The following DGKI variants were observed in gnomAD, a reference collection of about 807,000 sequenced individuals.
The protein encoded by DGKI is diacylglycerol kinase iota, also known as DAG kinase iota.
DGKI carries 55 observed loss-of-function variants against 147.5 expected under a neutral mutation model. That is an observed-to-expected ratio of 0.37 (90% CI 0.30 to 0.47). The LOEUF is 0.47. Among genes scored for constraint, DGKI ranks in the 20% least tolerant of loss-of-function variants. The pLI is 1.00. For synonymous variants in DGKI, 469 were observed against 477.1 expected (o/e 0.98, Z 0.22); for missense variants, 1,007 against 1,323.8 (o/e 0.76, Z 3.71).
chr7:137,602,609 A>AAC (rs1157137098), intron 10 of DGKI, among the ~76,000 whole-genome samples: 2 of 152,212 alleles, frequency 1.3e-5, no homozygotes, highest in Non-Finnish European at 2.9e-5. Flanking sequence ...ACAAAGATCT[A>AAC]ACTCACACAC....
chr7:137,703,044 A>T (rs6943970), intron 1 of DGKI, among the ~76,000 whole-genome samples: 14,121 of 152,184 alleles, frequency 0.093, 1,766 homozygotes, highest in African/African-American at 0.29. Flanking sequence ...GACTGTTCTC[A>T]CACTGCTATA....
rs371373962 is a variant in DGKI at position 137,816,772 on chromosome 7, G to A, written c.401+29690C>T. 7.2e-5 allele frequency among the ~76,000 whole-genome samples: 11 copies of A among 152,334 alleles called. No individual in the cohort carries two copies. In the East Asian group the frequency reaches 1.5e-3, roughly 21 times the overall value. On this transcript the variant is annotated intron_variant, in intron 1 of 32. Transcript: ENST00000614521. ...ATTTTTATATGACAATAGGGGGTGA[G>A]TAAGGAAGCTGCTAAAGAAGGAACT...
At chr7:137,559,231 C>T (rs1357190873) in intron 19 of DGKI, among the ~76,000 whole-genome samples, 1 of 150,392 alleles carries the variant, frequency 6.6e-6, no homozygotes, top group Non-Finnish European at 1.5e-5. Flanking sequence ...GCCACTACGC[C>T]CGGCTAATTT....
intron 1 of DGKI, among the ~76,000 whole-genome samples, chr7:137,760,147 T>A (rs995065620): frequency 6.6e-6 from 1 of 152,114 alleles, no homozygotes; most frequent in South Asian, 2.1e-4. Flanking sequence ...CACCTACTAA[T>A]CTTTCCTGCG....
chr7:137,391,891 A>G (rs1356257899), intron 32 of DGKI, among the ~76,000 whole-genome samples: 2 of 152,194 alleles, frequency 1.3e-5, no homozygotes, highest in Non-Finnish European at 2.9e-5. Flanking sequence ...CTAAAAACTA[A>G]GCTAGTTTCT....
chr7:137,441,338 G>A (rs1483272477), intron 28 of DGKI, among the ~76,000 whole-genome samples: 1 of 148,834 alleles, frequency 6.7e-6, no homozygotes, highest in Non-Finnish European at 1.5e-5. Context: ...GGAGAATGGT[G>A]TGAACCCGGG....
At position 137,770,475 on chromosome 7, in the gene DGKI, A is replaced by C. The variant is rs191224307; in HGVS notation, c.401+75987T>G. 1.5e-4 allele frequency among the ~76,000 whole-genome samples: 23 copies of C among 152,306 alleles called. No homozygotes were observed. The East Asian group carries it at 4.2e-3, about 28-fold the overall frequency. ...TCTACACACATATCCCAAAACTTAT[A>C]AGTAAAACAGAAAAAAAAAGAATTA... On this transcript the variant is annotated intron_variant, in intron 1 of 32. Coordinates refer to ENST00000614521, the MANE Select transcript of DGKI (RefSeq NM_001321708.2).
At chr7:137,397,207 G>A (rs968704465) in intron 31 of DGKI, among the ~76,000 whole-genome samples, 170 bp downstream of exon 31, 9 of 152,278 alleles carry the variant, frequency 5.9e-5, no homozygotes, top group East Asian at 1.9e-4. Flanking sequence ...TTTCTATTCC[G>A]TAATTTTTTA....
intron 21 of DGKI, among the ~76,000 whole-genome samples, chr7:137,513,120 C>T (rs1816632910): frequency 1.3e-5 from 2 of 152,206 alleles, no homozygotes; most frequent in Non-Finnish European, 2.9e-5. Flanking sequence ...CCATTTCCAA[C>T]TTTCAACTAG....
At chr7:137,453,938 TAAATAGA>T (rs1814080421) in intron 27 of DGKI, among the ~76,000 whole-genome samples, 1 of 151,656 alleles carries the variant, frequency 6.6e-6, no homozygotes, top group Non-Finnish European at 1.5e-5. Flanking sequence ...TTTTTTTTTT[TAAATAGA>T]TTCCTATATT....
At chr7:137,679,716 G>A (rs1271220563) in intron 2 of DGKI, among the ~76,000 whole-genome samples, 4 of 151,960 alleles carry the variant, frequency 2.6e-5, no homozygotes, top group Admixed American at 6.6e-5. Context: ...GGCCAGACAC[G>A]GTGGCTCACA....
chr7:137,519,544 C>T (rs1184361712), intron 21 of DGKI, among the ~76,000 whole-genome samples: 2 of 151,982 alleles, frequency 1.3e-5, no homozygotes, highest in African/African-American at 4.8e-5. Flanking sequence ...GAGTACATTC[C>T]TAGAGTCCCT....
chr7:137,663,972 CA>C (rs1218574955), intron 3 of DGKI, among the ~76,000 whole-genome samples: 1 of 152,074 alleles, frequency 6.6e-6, no homozygotes, highest in African/African-American at 2.4e-5. Context: ...CATTAGGAGA[CA>C]AAACCCCCAC....
intron 19 of DGKI, among the ~76,000 whole-genome samples, chr7:137,557,137 T>C (rs1160259708): frequency 2.6e-5 from 4 of 152,172 alleles, no homozygotes; most frequent in African/African-American, 9.7e-5. Context: ...CAATTCACAA[T>C]TCACGTGAGA....
intron 1 of DGKI, among the ~76,000 whole-genome samples, chr7:137,748,286 T>C (rs1795402283): frequency 1.3e-5 from 2 of 151,970 alleles, no homozygotes; most frequent in Non-Finnish European, 2.9e-5. Context: ...TATAATACTA[T>C]TTGTATTATA....
chr7:137,401,572 G>GTCCTTCAACA (rs1811763102), intron 30 of DGKI, among the ~76,000 whole-genome samples: 1 of 152,054 alleles, frequency 6.6e-6, no homozygotes, highest in Admixed American at 6.6e-5. Context: ...ATATGAATGG[G>GTCCTTCAACA]TAACATTTGA....
In DGKI at chr7:137,389,495, T is replaced by C. The variant is rs1248837449; in HGVS notation, c.*1725A>G. On this transcript the variant is annotated 3_prime_UTR_variant, in exon 33 of 33. Transcript: ENST00000614521. ...GTCACCATTAGACTTTTAAATTAAA[T>C]GTAGAGACACTATCATTCATGGTCA... 2 of 152,202 alleles carry C rather than the reference T, an allele frequency of 1.3e-5. No homozygotes were observed. Among genetic ancestry groups the C allele is most frequent in the Admixed American group, 6.5e-5 (1 of 15,280 alleles). 9.4% of individuals were successfully genotyped at this position (152,202 alleles called of 1,614,324 possible).
At chr7:137,746,821 TCA>T (rs1215778583) in intron 1 of DGKI, among the ~76,000 whole-genome samples, 6 of 152,084 alleles carry the variant, frequency 3.9e-5, no homozygotes, top group African/African-American at 7.2e-5. Context: ...TCTCATCAAC[TCA>T]GCCTTATCGT....
intron 21 of DGKI, among the ~76,000 whole-genome samples, chr7:137,516,858 T>C (rs1291640708): frequency 1.3e-5 from 2 of 152,030 alleles, no homozygotes; most frequent in African/African-American, 4.8e-5. Flanking sequence ...AAAATCTTGA[T>C]CCACCTCCTC....
Sources: gnomAD v4.1 joint callset for allele counts (sites outside exome capture counted in the v4.1 genomes callset) on GRCh38, gnomAD v4.1.1 for gene constraint, MANE v1.5 for transcripts, NCBI Gene and HGNC (gene_info 2026-07-23, HGNC 2026-07-21) for gene names.